Variants in HPSE2 observed in about 807,000 individuals in gnomAD.
HPSE2 encodes the protein heparanase 2 (inactive), also known as inactive heparanase-2.
A neutral mutation model predicts 60.5 loss-of-function variants in HPSE2; 38 were observed. That is an observed-to-expected ratio of 0.63 (90% CI 0.48 to 0.82). The LOEUF is 0.82. Among genes scored for constraint, HPSE2 ranks in the 40% least tolerant of loss-of-function variants. The pLI, the probability that HPSE2 is intolerant of heterozygous loss-of-function variation, is 0.00. For missense variants in HPSE2, 713 were observed against 740.4 expected, an observed-to-expected ratio of 0.96 and a Z score of 0.43; for synonymous variants, 295 against 293.2, an observed-to-expected ratio of 1.01 and a Z score of -0.06.
the HPSE2 span, among the ~76,000 whole-genome samples, chr10:99,272,055 G>A: frequency 6.6e-6 from 1 of 152,258 alleles, no homozygotes; most frequent in South Asian, 2.1e-4. Context: ...GGTGGATCAC[G>A]AAGTCAGGAG....
the HPSE2 span, among the ~76,000 whole-genome samples, chr10:99,299,854 A>T: frequency 6.6e-6 from 1 of 152,030 alleles, no homozygotes; most frequent in African/African-American, 2.4e-5. Context: ...ACTATTACAG[A>T]CCCAGACTCC....
Position 98,918,312 on chromosome 10 carries a change from A to T in HPSE2, c.611-174256T>A, listed in dbSNP as rs1376284742. 1.5e-4 allele frequency among the ~76,000 whole-genome samples: 23 copies of T among 152,120 alleles called. 1 individual carries two copies. The highest frequency in any genetic ancestry group is 2.9e-4 in the Non-Finnish European group (20 of 68,026). On this transcript the variant is annotated intron_variant, in intron 3 of 11. Transcript: ENST00000370552. Reference sequence around the variant, plus strand: ...TAGAACTAGAAATACCATTTGACCCAGCCATCCCATTACTGGGTATATATC... The same window carrying T: ...TAGAACTAGAAATACCATTTGACCCTGCCATCCCATTACTGGGTATATATC...
chr10:99,235,966 TCTCG>T (rs140848494), upstream of HPSE2: 58,697 of 481,348 alleles, frequency 0.12, 4,623 homozygotes, highest in African/African-American at 0.3. Context: ...TCTCTCTCTC[TCTCG>T]CTCGCTCGCT....
the HPSE2 span, among the ~76,000 whole-genome samples, chr10:99,302,678 T>C: frequency 1.3e-5 from 2 of 152,086 alleles, no homozygotes; most frequent in Non-Finnish European, 1.5e-5. Flanking sequence ...TAGTTAAGTA[T>C]TTCCATGACT....
chr10:99,046,884 T>C (rs2135488598), intron 3 of HPSE2, among the ~76,000 whole-genome samples: 1 of 152,254 alleles, frequency 6.6e-6, no homozygotes, highest in African/African-American at 2.4e-5. Flanking sequence ...AAAATGGACA[T>C]ACTGCCCAAA....
chr10:99,176,379 A>C (rs1209172288), intron 2 of HPSE2, among the ~76,000 whole-genome samples: 1 of 152,136 alleles, frequency 6.6e-6, no homozygotes, highest in Non-Finnish European at 1.5e-5. Context: ...CCTTGAAAAA[A>C]GGTTAGACGA....
the HPSE2 span, among the ~76,000 whole-genome samples, chr10:99,257,703 T>G: frequency 1.3e-5 from 2 of 152,146 alleles, no homozygotes; most frequent in African/African-American, 4.8e-5. Flanking sequence ...CCTTGTGATA[T>G]TCTATTACCT....
intron 3 of HPSE2, among the ~76,000 whole-genome samples, chr10:98,802,465 C>T: frequency 9.7e-6 from 1 of 102,896 alleles, no homozygotes; most frequent in African/African-American, 3.7e-5. Context: ...AGCTATCCCT[C>T]CCCCCTCCCC....
At chr10:99,128,064 T>C (rs1845231690) in intron 3 of HPSE2, among the ~76,000 whole-genome samples, 2 of 152,156 alleles carry the variant, frequency 1.3e-5, no homozygotes, top group African/African-American at 2.4e-5. Context: ...ATAGGGTCTA[T>C]AAAACAATAA....
At chr10:98,912,600 T>C (rs1345704184) in intron 3 of HPSE2, among the ~76,000 whole-genome samples, 2 of 152,060 alleles carry the variant, frequency 1.3e-5, no homozygotes, top group Admixed American at 1.3e-4. Context: ...CACAATGGAG[T>C]ACTATTCAGA....
chr10:98,677,340 G>A (rs1400289368), intron 6 of HPSE2, among the ~76,000 whole-genome samples: 2 of 152,176 alleles, frequency 1.3e-5, no homozygotes, highest in Non-Finnish European at 2.9e-5. Context: ...TGGCTGAAAT[G>A]GCCATAGGCA....
intron 3 of HPSE2, among the ~76,000 whole-genome samples, chr10:98,841,699 A>G (rs2134693233): frequency 6.6e-6 from 1 of 152,232 alleles, no homozygotes; most frequent in East Asian, 1.9e-4. Context: ...CAATAATTTT[A>G]CTGTATATGC....
chr10:99,283,131 A>G, the HPSE2 span, among the ~76,000 whole-genome samples: 1 of 151,254 alleles, frequency 6.6e-6, no homozygotes, highest in Non-Finnish European at 1.5e-5. Flanking sequence ...GCTTGCAGTG[A>G]GCCAAGATCA....
intron 3 of HPSE2, among the ~76,000 whole-genome samples, chr10:99,105,063 A>T (rs905255554): frequency 5.4e-4 from 55 of 101,686 alleles, no homozygotes; most frequent in African/African-American, 3.1e-3. Context: ...AAATATAATA[A>T]AAAAAAAAAA....
chr10:98,668,503 A>G (rs1366095410), intron 6 of HPSE2, among the ~76,000 whole-genome samples: 1 of 152,152 alleles, frequency 6.6e-6, no homozygotes, highest in African/African-American at 2.4e-5. Context: ...ATGTTACCCA[A>G]CTTCACTAAA....
At chr10:98,976,818 T>G (rs1411820049) in intron 3 of HPSE2, among the ~76,000 whole-genome samples, 1 of 152,136 alleles carries the variant, frequency 6.6e-6, no homozygotes, top group Non-Finnish European at 1.5e-5. Flanking sequence ...AAAATGGGCT[T>G]TGCAGATGTA....
chr10:99,305,979 G>GCGCGCGCGCACACACACACA, the HPSE2 span, among the ~76,000 whole-genome samples: 66 of 80,558 alleles, frequency 8.2e-4, no homozygotes, highest in Non-Finnish European at 1.1e-3. Flanking sequence ...GCGCGCGCGC[G>GCGCGCGCGCACACACACACA]CACACACACA....
At chr10:98,777,809 C>T (rs1005243612) in intron 3 of HPSE2, among the ~76,000 whole-genome samples, 4 of 152,138 alleles carry the variant, frequency 2.6e-5, no homozygotes, top group African/African-American at 9.7e-5. Context: ...CCCTAAGCTA[C>T]AGCCACATTT....
At chr10:99,191,585 A>G (rs1015369208) in intron 2 of HPSE2, among the ~76,000 whole-genome samples, 1 of 152,264 alleles carries the variant, frequency 6.6e-6, no homozygotes, top group African/African-American at 2.4e-5. Flanking sequence ...TCATGCAGAT[A>G]TAGCTGCAGT....
Sources: gnomAD v4.1 joint callset for allele counts (sites outside exome capture counted in the v4.1 genomes callset) on GRCh38, gnomAD v4.1.1 for gene constraint, MANE v1.5 for transcripts, NCBI Gene and HGNC (gene_info 2026-07-23, HGNC 2026-07-21) for gene names.